The following PAX5 variants were observed in gnomAD, a reference collection of about 807,000 sequenced individuals.
PAX5 encodes paired box protein Pax-5.
A neutral mutation model predicts 43.7 loss-of-function variants in PAX5; 9 were observed. The ratio of observed to expected loss-of-function variants is 0.21; its 90% CI spans 0.12 to 0.36. The LOEUF is 0.36. Among genes scored for constraint, PAX5 ranks in the 10% least tolerant of loss-of-function variants. PAX5 has a pLI of 1.00. For missense variants in PAX5, 383 were observed against 532.7 expected (o/e 0.72, Z 2.77); for synonymous variants, 228 against 214.3 (o/e 1.06, Z -0.56).
intron 8 of PAX5, among the ~76,000 whole-genome samples, chr9:36,875,003 G>A (rs540970210): frequency 1.3e-5 from 2 of 152,234 alleles, no homozygotes; most frequent in African/African-American, 4.8e-5. Flanking sequence ...AGGAAACCAG[G>A]GCCCTGAGGA....
At chr9:36,869,543 C>T (rs1825217313) in intron 8 of PAX5, among the ~76,000 whole-genome samples, 1 of 152,260 alleles carries the variant, frequency 6.6e-6, no homozygotes, top group African/African-American at 2.4e-5. Flanking sequence ...ATGCCTCCCA[C>T]CCAGCCCTAC....
chr9:37,022,296 T>C (rs1839917589), intron 1 of PAX5, among the ~76,000 whole-genome samples: 1 of 152,242 alleles, frequency 6.6e-6, no homozygotes, highest in South Asian at 2.1e-4. Context: ...GGAAAACCAT[T>C]CCAAATAGGA....
chr9:36,936,014 T>G (rs1450908110), intron 6 of PAX5, among the ~76,000 whole-genome samples: 2 of 152,196 alleles, frequency 1.3e-5, no homozygotes, highest in African/African-American at 4.8e-5. Context: ...CCTGACTGAT[T>G]CATACTGTTC....
intron 7 of PAX5, among the ~76,000 whole-genome samples, chr9:36,892,424 G>T (rs1019305379): frequency 6.6e-6 from 1 of 152,198 alleles, no homozygotes; most frequent in African/African-American, 2.4e-5. Context: ...ATTGTTCTAA[G>T]CACTTTGTAT....
Position 36,952,234 on chromosome 9 carries a change from C to CTTTTTTTTTTT in PAX5, c.780+14304_780+14314dup, listed in dbSNP as rs138009049. Among the ~76,000 whole-genome samples the CTTTTTTTTTTT allele has an allele frequency of 7.1e-4, 47 of 66,664 alleles. 6 individuals are homozygous for CTTTTTTTTTTT. The highest frequency in any genetic ancestry group is 7.4e-4 in the Non-Finnish European group (29 of 39,156). The allele number at this position is 66,664 out of a possible 152,430, so 43.7% of individuals were successfully genotyped here. On this transcript the variant is annotated intron_variant, in intron 6 of 9. Transcript: ENST00000358127. Reference sequence around the variant, plus strand: ...TTTTTAATATGCTCTGACCATCTCCCTTTTTTTTTTTTTTTTTTTTTTTGA... The same window carrying CTTTTTTTTTTT: ...TTTTTAATATGCTCTGACCATCTCCCTTTTTTTTTTTTTTTTTTTTTTTTTTTTTTTTTTGA...
chr9:37,024,347 TGAAGCAGTGGTGGGGG>T (rs1362323895), intron 1 of PAX5, among the ~76,000 whole-genome samples: 2 of 151,350 alleles, frequency 1.3e-5, no homozygotes, highest in Non-Finnish European at 2.9e-5. Flanking sequence ...TATCCGGCTC[TGAAGCAGTGGTGGGGG>T]GAAGCAGTGG....
intron 1 of PAX5, chr9:37,026,433 G>A (rs1840382483): frequency 9.7e-6 from 10 of 1,031,786 alleles, no homozygotes; most frequent in Admixed American, 2.5e-5. Flanking sequence ...CGGCTGCAGA[G>A]GTCCGAGATC....
intron 7 of PAX5, among the ~76,000 whole-genome samples, chr9:36,903,732 C>T (rs1828589613): frequency 6.6e-6 from 1 of 152,240 alleles, no homozygotes; most frequent in Non-Finnish European, 1.5e-5. Flanking sequence ...GGAGGCTGAC[C>T]TAAGGGGATG....
intron 5 of PAX5, among the ~76,000 whole-genome samples, chr9:36,969,616 C>T (rs1834767914): frequency 6.6e-6 from 1 of 152,240 alleles, no homozygotes; most frequent in African/African-American, 2.4e-5. Flanking sequence ...TGCAGTCTCC[C>T]CAGAAGCAGA....
chr9:37,004,521 T>G (rs575035981), intron 4 of PAX5, among the ~76,000 whole-genome samples: 4 of 152,362 alleles, frequency 2.6e-5, no homozygotes, highest in African/African-American at 9.6e-5. Context: ...ATCCAGCTCC[T>G]GGCTCCTACA....
intron 7 of PAX5, among the ~76,000 whole-genome samples, chr9:36,916,081 GT>G (rs1829711169): frequency 6.6e-6 from 1 of 151,020 alleles, no homozygotes; most frequent in African/African-American, 2.4e-5. Flanking sequence ...ATCCCTTGAG[GT>G]TTTTTTTGTT....
chr9:36,999,152 C>T (rs1837641112), intron 5 of PAX5, among the ~76,000 whole-genome samples: 1 of 152,188 alleles, frequency 6.6e-6, no homozygotes, highest in Admixed American at 6.5e-5. Context: ...CCGTCAAAGT[C>T]TAAGCCACCC....
rs759017586 is a variant in PAX5 at position 37,002,793 on chromosome 9, G to C, written c.476-17C>G. 17 of 1,601,416 alleles carry C rather than the reference G, an allele frequency of 1.1e-5. No individual in the cohort carries two copies. Among genetic ancestry groups the C allele is most frequent in the Non-Finnish European group, 1.4e-5 (17 of 1,174,872 alleles). On this transcript the variant is annotated splice_polypyrimidine_tract_variant and intron_variant, in intron 4 of 9. Coordinates refer to ENST00000358127, the MANE Select transcript of PAX5 (RefSeq NM_016734.3). ...CAGTGGACACTGCGCGGAGAAAGAC[G>C]GGCGGTCAGGGCCGCAGAGGGCTGA...
At chr9:36,925,996 C>G (rs1251793958) in intron 6 of PAX5, among the ~76,000 whole-genome samples, 1 of 152,234 alleles carries the variant, frequency 6.6e-6, no homozygotes, top group Non-Finnish European at 1.5e-5. Flanking sequence ...ACTCACTGAG[C>G]ATTCACTCTG....
At chr9:36,999,531 A>C (rs1188533829) in intron 5 of PAX5, among the ~76,000 whole-genome samples, 1 of 152,160 alleles carries the variant, frequency 6.6e-6, no homozygotes, top group Non-Finnish European at 1.5e-5. Flanking sequence ...AGCAAAACTC[A>C]AGTCTAAGCT....
At chr9:36,961,240 G>T (rs952551936) in intron 6 of PAX5, among the ~76,000 whole-genome samples, 1 of 152,224 alleles carries the variant, frequency 6.6e-6, no homozygotes, top group Non-Finnish European at 1.5e-5. Context: ...GCCTGGAGAG[G>T]TGCCACCACT....
chr9:36,927,360 A>C (rs774757324), intron 6 of PAX5, among the ~76,000 whole-genome samples: 1 of 152,200 alleles, frequency 6.6e-6, no homozygotes. Flanking sequence ...GGTTTAAAAG[A>C]ACCACAAAAA....
intron 5 of PAX5, among the ~76,000 whole-genome samples, chr9:36,979,178 A>T (rs945000502): frequency 6.6e-6 from 1 of 152,154 alleles, no homozygotes; most frequent in African/African-American, 2.4e-5. Context: ...TCTTGGATAC[A>T]CAGAGATCAG....
intron 7 of PAX5, among the ~76,000 whole-genome samples, chr9:36,919,013 T>C (rs1587968134): frequency 6.6e-6 from 1 of 152,232 alleles, no homozygotes; most frequent in African/African-American, 2.4e-5. Flanking sequence ...GAGAAGCCAA[T>C]GCCTGGCTTC....
Sources: gnomAD v4.1 joint callset for allele counts (sites outside exome capture counted in the v4.1 genomes callset) on GRCh38, gnomAD v4.1.1 for gene constraint, MANE v1.5 for transcripts, NCBI Gene and HGNC (gene_info 2026-07-23, HGNC 2026-07-21) for gene names.